Variants in FYB1 observed in about 807,000 individuals in gnomAD.
The protein encoded by FYB1 is FYN binding protein 1, also known as FYN-binding protein 1.
In FYB1, 41 loss-of-function variants were observed where a neutral mutation model predicts 94.1. The observed-to-expected ratio is 0.44, with a 90% CI of 0.34 to 0.57. The LOEUF (loss-of-function observed/expected upper bound fraction) is 0.57. FYB1 is among the 20% of genes least tolerant of loss of function. The probability of loss-of-function intolerance (pLI) is 0.02; values close to 1 mark genes in which losing one functional copy is unlikely to be tolerated. For synonymous variants in FYB1, 367 were observed against 353.2 expected, an observed-to-expected ratio of 1.04 and a Z score of -0.44; for missense variants, 1,050 against 976.8, an observed-to-expected ratio of 1.07 and a Z score of -1.00.
At chr5:39,156,563 C>T (rs1239263614) in intron 2 of FYB1, among the ~76,000 whole-genome samples, 1 of 152,226 alleles carries the variant, frequency 6.6e-6, no homozygotes, top group East Asian at 1.9e-4. Context: ...TACTCTTCCT[C>T]ATCAAGCTTG....
At chr5:39,168,756 G>A (rs1411653569) in intron 2 of FYB1, among the ~76,000 whole-genome samples, 2 of 152,052 alleles carry the variant, frequency 1.3e-5, no homozygotes, top group African/African-American at 4.8e-5. Context: ...TAGTCAATTG[G>A]TGAAATGAAC....
chr5:39,184,252 C>T (rs1013164104), intron 2 of FYB1, among the ~76,000 whole-genome samples: 4 of 151,992 alleles, frequency 2.6e-5, no homozygotes, highest in Non-Finnish European at 5.9e-5. Context: ...TCAATGAAAT[C>T]TGAAATATTT....
chr5:39,161,588 GT>G (rs562344040), intron 2 of FYB1, among the ~76,000 whole-genome samples: 166 of 142,810 alleles, frequency 1.2e-3, no homozygotes, highest in Middle Eastern at 7.4e-3. Context: ...GAGCAATCTG[GT>G]TTTTTTTTTT....
intron 9 of FYB1, 75 bp downstream of exon 9, chr5:39,134,131 AAT>A: frequency 8.6e-7 from 1 of 1,160,154 alleles, no homozygotes; most frequent in Non-Finnish European, 1.2e-6. Flanking sequence ...TGGAGGGTAA[AAT>A]TCTAGGATCT....
intron 1 of FYB1, among the ~76,000 whole-genome samples, chr5:39,271,892 G>A (rs991359406): frequency 2.0e-5 from 3 of 152,154 alleles, no homozygotes; most frequent in African/African-American, 2.4e-5. Flanking sequence ...AAGCAAGAGC[G>A]AGGTATGGGA....
chr5:39,134,701 C>T (rs182294888), intron 8 of FYB1, among the ~76,000 whole-genome samples, 154 bp downstream of exon 8: 67 of 152,276 alleles, frequency 4.4e-4, no homozygotes, highest in Non-Finnish European at 8.8e-4. Context: ...GAGGTGAAGA[C>T]GGAACTATAC....
chr5:39,217,326 CA>C (rs1269570974), intron 1 of FYB1, among the ~76,000 whole-genome samples: 2 of 152,236 alleles, frequency 1.3e-5, no homozygotes, highest in South Asian at 4.1e-4. Flanking sequence ...CTTCATTTTA[CA>C]AAAAAGAAAC....
chr5:39,118,554 A>C (rs1226536995), intron 16 of FYB1, among the ~76,000 whole-genome samples: 1 of 152,164 alleles, frequency 6.6e-6, no homozygotes, highest in Non-Finnish European at 1.5e-5. Flanking sequence ...GGGTGGGTAC[A>C]GGGAACTGCG....
chr5:39,169,283 C>A (rs1745026143), intron 2 of FYB1: 5 of 960,520 alleles, frequency 5.2e-6, no homozygotes, highest in Admixed American at 1.7e-5. Context: ...AGAGGTGAAG[C>A]CAAGCCATAT....
chr5:39,146,789 A>C (rs1465919676), intron 3 of FYB1, among the ~76,000 whole-genome samples: 1 of 152,224 alleles, frequency 6.6e-6, no homozygotes, highest in Non-Finnish European at 1.5e-5. Context: ...ATAGCATATG[A>C]ATCTTAGTGC....
chr5:39,139,513 T>C (rs1379395140), intron 4 of FYB1: 1 of 256,530 alleles, frequency 3.9e-6, no homozygotes, highest in African/African-American at 2.2e-5. Context: ...ATTAATACAC[T>C]GTTTATTACC....
chr5:39,231,875 T>C (rs1172830671), intron 1 of FYB1, among the ~76,000 whole-genome samples: 2 of 152,112 alleles, frequency 1.3e-5, no homozygotes, highest in Non-Finnish European at 2.9e-5. Context: ...TTCAGCCTTG[T>C]GGATGATGCC....
At chr5:39,121,183 CAAAAAAAAAAAAAA>C (rs56376626) in intron 14 of FYB1, among the ~76,000 whole-genome samples, 2 of 57,672 alleles carry the variant, frequency 3.5e-5, no homozygotes, top group Non-Finnish European at 6.7e-5. Flanking sequence ...TAATGTAAAG[CAAAAAAAAAAAAAA>C]AAAAAAAAGC....
At chr5:39,172,336 C>T (rs555987789) in intron 2 of FYB1, among the ~76,000 whole-genome samples, 1 of 152,030 alleles carries the variant, frequency 6.6e-6, no homozygotes, top group South Asian at 2.1e-4. Flanking sequence ...ATCCCAGCTA[C>T]TTGGGAGGCT....
intron 16 of FYB1, chr5:39,110,804 T>C: frequency 2.7e-6 from 1 of 373,326 alleles, no homozygotes; most frequent in Non-Finnish European, 5.1e-6. Context: ...AAGACTTACT[T>C]TCTAAAATTT....
chr5:39,122,804 G>C (rs1408502478), intron 13 of FYB1, among the ~76,000 whole-genome samples: 3 of 152,072 alleles, frequency 2.0e-5, no homozygotes, highest in Non-Finnish European at 4.4e-5. Context: ...TTAGGGTGCT[G>C]TGATAATATA....
chr5:39,227,934 C>A (rs142088614), intron 1 of FYB1, among the ~76,000 whole-genome samples: 10 of 152,254 alleles, frequency 6.6e-5, no homozygotes, highest in African/African-American at 1.7e-4. Flanking sequence ...CTGGGGAAGA[C>A]CTTTCACCTT....
chr5:39,247,204 A>T (rs944446355), intron 1 of FYB1, among the ~76,000 whole-genome samples: 3 of 149,960 alleles, frequency 2.0e-5, no homozygotes. Flanking sequence ...AGTCCTCAGA[A>T]GGGTGACTGG....
intron 15 of FYB1, among the ~76,000 whole-genome samples, 157 bp downstream of exon 15, chr5:39,119,378 T>C (rs1368243133): frequency 2.0e-5 from 3 of 152,144 alleles, no homozygotes; most frequent in African/African-American, 7.2e-5. Flanking sequence ...AAAAGAGTTA[T>C]AACGGCTAAC....
Sources: gnomAD v4.1 joint callset for allele counts (sites outside exome capture counted in the v4.1 genomes callset) on GRCh38, gnomAD v4.1.1 for gene constraint, MANE v1.5 for transcripts, NCBI Gene and HGNC (gene_info 2026-07-23, HGNC 2026-07-21) for gene names.